Variants in AGBL4 observed in about 807,000 individuals in gnomAD.
AGBL4 encodes AGBL carboxypeptidase 4, also known as cytosolic carboxypeptidase 6.
Under a neutral mutation model 66.4 loss-of-function variants are expected in AGBL4, and 58 were observed. The ratio of observed to expected loss-of-function variants is 0.87; its 90% CI spans 0.71 to 1.09. The LOEUF (loss-of-function observed/expected upper bound fraction) is 1.09, where lower values mean the gene tolerates loss of function less well. Ranked by LOEUF, AGBL4 falls within the 50% of genes least tolerant of loss-of-function variation. AGBL4 has a pLI of 0.00. For synonymous variants in AGBL4, 234 were observed against 222.9 expected, an observed-to-expected ratio of 1.05 and a Z score of -0.44; for missense variants, 579 against 631.0, an observed-to-expected ratio of 0.92 and a Z score of 0.88.
chr1:49,308,728 T>C lies in AGBL4; in HGVS notation c.283-62864A>G, dbSNP rs191383912. On this transcript the variant is annotated intron_variant, in intron 3 of 13. Transcript: ENST00000371839. ...GGACAATTTAAATGATGGAACAGAA[T>C]GAGAAAAGGCAGGGTGGAAGGAATT... Among the ~76,000 whole-genome samples the C allele has an allele frequency of 2.6e-5, 4 of 152,062 alleles. No homozygotes were observed. In the East Asian group the frequency reaches 7.7e-4, roughly 29 times the overall value.
chr1:48,589,101 C>A (rs1178525364), intron 10 of AGBL4, among the ~76,000 whole-genome samples: 1 of 152,160 alleles, frequency 6.6e-6, no homozygotes, highest in Non-Finnish European at 1.5e-5. Flanking sequence ...CTCAAATAGA[C>A]AGGGCCATCC....
chr1:49,025,861 A>C (rs1403074795), intron 5 of AGBL4, among the ~76,000 whole-genome samples: 1 of 152,116 alleles, frequency 6.6e-6, no homozygotes, highest in African/African-American at 2.4e-5. Flanking sequence ...GCTTTCTGTA[A>C]TCTCTAGACT....
At chr1:48,524,924 A>C in the AGBL4 span, among the ~76,000 whole-genome samples, 1 of 151,868 alleles carries the variant, frequency 6.6e-6, no homozygotes, top group African/African-American at 2.4e-5. Context: ...TGGGCCTATA[A>C]GCTAGGTTTG....
chr1:49,591,998 T>TA (rs1558082339), intron 3 of AGBL4, among the ~76,000 whole-genome samples: 1 of 152,042 alleles, frequency 6.6e-6, no homozygotes, highest in Non-Finnish European at 1.5e-5. Context: ...GAAGAAAACC[T>TA]AAAAAATACC....
chr1:48,788,316 G>A (rs901889427), intron 6 of AGBL4, among the ~76,000 whole-genome samples: 1 of 152,216 alleles, frequency 6.6e-6, no homozygotes, highest in Non-Finnish European at 1.5e-5. Context: ...GTAATGACAA[G>A]GATGGGTTCC....
At chr1:48,834,880 G>C (rs956625438) in intron 6 of AGBL4, among the ~76,000 whole-genome samples, 16 of 152,146 alleles carry the variant, frequency 1.1e-4, no homozygotes, top group African/African-American at 3.9e-4. Flanking sequence ...GAAAGTTGTT[G>C]CATGTTCAGC....
At chr1:49,298,807 G>T (rs1163350654) in intron 3 of AGBL4, among the ~76,000 whole-genome samples, 1 of 152,184 alleles carries the variant, frequency 6.6e-6, no homozygotes, top group Non-Finnish European at 1.5e-5. Context: ...AGCAGCAAGA[G>T]AAACTTTCTT....
At chr1:48,565,210 C>T (rs1186755749) in intron 11 of AGBL4, among the ~76,000 whole-genome samples, 3 of 152,154 alleles carry the variant, frequency 2.0e-5, no homozygotes, top group African/African-American at 7.2e-5. Context: ...GAAATCACTG[C>T]CCTCTCCCAA....
At chr1:49,309,632 AT>A in intron 3 of AGBL4, among the ~76,000 whole-genome samples, 1 of 151,454 alleles carries the variant, frequency 6.6e-6, no homozygotes, top group African/African-American at 2.4e-5. Context: ...GTGTGTGTGC[AT>A]GTGTATGTAC....
In AGBL4 at chr1:49,780,469, CTTTA is replaced by C. The variant is rs376839754; in HGVS notation, c.157+70923_157+70926del. Among the ~76,000 whole-genome samples, 81 of 152,014 alleles carry C rather than the reference CTTTA, an allele frequency of 5.3e-4. 1 individual carries two copies. In the South Asian group the frequency reaches 0.011, roughly 20 times the overall value. On this transcript the variant is annotated intron_variant, in intron 2 of 13. Transcript: ENST00000371839. ...ATATAATAAACTCTATAAATATATA[CTTTA>C]TTTACTTTCTCTTCTCAGCTTCTTT...
intron 11 of AGBL4, among the ~76,000 whole-genome samples, chr1:48,580,831 C>T (rs962292584): frequency 6.6e-6 from 1 of 152,180 alleles, no homozygotes; most frequent in African/African-American, 2.4e-5. Context: ...TATTAATCAC[C>T]TGCTGCTTCT....
intron 4 of AGBL4, among the ~76,000 whole-genome samples, chr1:49,129,539 C>T (rs1645842662): frequency 6.6e-6 from 1 of 151,664 alleles, no homozygotes; most frequent in Admixed American, 6.6e-5. Context: ...GTTCAATTCC[C>T]ACCTATGAGT....
At chr1:48,740,020 C>G (rs531979794) in intron 6 of AGBL4, among the ~76,000 whole-genome samples, 32 of 152,358 alleles carry the variant, frequency 2.1e-4, no homozygotes, top group African/African-American at 7.5e-4. Flanking sequence ...AAGGGCTAGT[C>G]TGTACACAAA....
chr1:49,824,852 A>C, intron 2 of AGBL4, among the ~76,000 whole-genome samples: 1 of 152,356 alleles, frequency 6.6e-6, no homozygotes, highest in East Asian at 1.9e-4. Flanking sequence ...TGCTATCATA[A>C]GATGCGTGGG....
intron 5 of AGBL4, among the ~76,000 whole-genome samples, chr1:48,908,724 G>GA (rs58734675): frequency 0.23 from 34,621 of 151,868 alleles, 4,800 homozygotes; most frequent in African/African-American, 0.39. Flanking sequence ...GAAAAGGGAG[G>GA]GCTGGTAATG....
intron 3 of AGBL4, among the ~76,000 whole-genome samples, chr1:49,547,852 C>A (rs1652622140): frequency 6.6e-6 from 1 of 151,778 alleles, no homozygotes; most frequent in Admixed American, 6.6e-5. Flanking sequence ...CAGATCACTG[C>A]AACTTCTGCC....
intron 6 of AGBL4, among the ~76,000 whole-genome samples, chr1:48,743,520 T>C (rs766035807): frequency 6.6e-6 from 1 of 152,190 alleles, no homozygotes; most frequent in Non-Finnish European, 1.5e-5. Context: ...AATGGGTAAA[T>C]AAGGCCAAAT....
chr1:49,880,136 C>T (rs555976678), intron 1 of AGBL4, among the ~76,000 whole-genome samples: 13 of 151,636 alleles, frequency 8.6e-5, no homozygotes, highest in East Asian at 1.9e-4. Context: ...GTAATTTGAT[C>T]GTCTGAAGCC....
intron 1 of AGBL4, among the ~76,000 whole-genome samples, chr1:49,979,354 G>A (rs371115866): frequency 6.6e-6 from 1 of 151,552 alleles, no homozygotes; most frequent in Non-Finnish European, 1.5e-5. Flanking sequence ...CCAGCTACTC[G>A]GGAGGCTGAG....
Sources: allele counts gnomAD v4.1 joint callset (sites outside exome capture counted in the v4.1 genomes callset), GRCh38; gene constraint gnomAD v4.1.1; transcripts MANE v1.5; gene names NCBI Gene and HGNC (gene_info 2026-07-23, HGNC 2026-07-21).